ADAMTS20: variants seen among roughly 807,000 people sequenced by gnomAD.
The protein encoded by ADAMTS20 is ADAM metallopeptidase with thrombospondin type 1 motif 20.
A neutral mutation model predicts 260.1 loss-of-function variants in ADAMTS20; 225 were observed. That is an observed-to-expected ratio of 0.87 (90% CI 0.78 to 0.97). The LOEUF (loss-of-function observed/expected upper bound fraction) is 0.97, where lower values mean the gene tolerates loss of function less well. ADAMTS20 is among the 50% of genes least tolerant of loss of function. The pLI, the probability that ADAMTS20 is intolerant of heterozygous loss-of-function variation, is 0.00. For missense variants in ADAMTS20, 2,400 were observed against 2,337.7 expected (o/e 1.03, Z -0.55); for synonymous variants, 802 against 769.5 (o/e 1.04, Z -0.70).
At chr12:43,414,486 A>T (rs1481925522) in intron 28 of ADAMTS20, among the ~76,000 whole-genome samples, 1 of 152,162 alleles carries the variant, frequency 6.6e-6, no homozygotes, top group Non-Finnish European at 1.5e-5. Flanking sequence ...AGAACAAAAA[A>T]ATAGCTCCCA....
intron 2 of ADAMTS20, among the ~76,000 whole-genome samples, chr12:43,543,408 C>T (rs1943402855): frequency 1.3e-5 from 2 of 152,184 alleles, no homozygotes; most frequent in African/African-American, 2.4e-5. Flanking sequence ...TGCTAAATAT[C>T]AGTGACTACT....
chr12:43,452,368 C>T lies in ADAMTS20; in HGVS notation c.1985G>A (p.Gly662Glu), dbSNP rs766523272. The change falls in exon 14 of 39, where the codon GGA (glycine) becomes GAA (glutamate). Residue 662 changes from glycine to glutamate, a missense_variant. Transcript: ENST00000389420. ...CTTCAATAGGTAGAAATAATTGGTT[C>T]CAGCAACCTGACAATAGAGTTTACA... is the stretch of plus-strand genomic sequence containing the variant. ...DRCKLYCQVA[G>E]TNYFYLLKDM... 1.4e-5 allele frequency: 22 copies of T among 1,613,118 alleles called. No homozygotes were observed. The Admixed American group carries it at 2.3e-4, about 17-fold the overall frequency.
Position 43,425,690 on chromosome 12 carries a change from A to G in ADAMTS20, c.4108T>C (p.Cys1370Arg), listed in dbSNP as rs780382261. Residue 1370 changes from cysteine to arginine, a missense_variant and splice_region_variant, in exon 28 of 39, where the codon TGT becomes CGT. Physicochemically the swap from Cys to Arg is radical, Grantham distance 180. Transcript: ENST00000389420. ...ATTCCTCCTCCACATGTTTGTGAAC[A>G]CTAAAAACAAGAATAGGAAAATTCA... The part of the protein sequence containing the change: ...PQWNYGNWGE[C>R]SQTCGGGIKS... 1.9e-6 allele frequency: 3 copies of G among 1,575,250 alleles called. No individual in the cohort carries two copies. In the South Asian group the frequency reaches 3.5e-5, roughly 18 times the overall value.
intron 28 of ADAMTS20, 126 bp downstream of exon 28, chr12:43,425,388 G>T: frequency 1.2e-6 from 1 of 817,552 alleles, no homozygotes; most frequent in Non-Finnish European, 1.7e-6. Flanking sequence ...CAGCAAACCT[G>T]CACATCTTGC....
chr12:43,477,673 A>G (rs1942380240), intron 7 of ADAMTS20, among the ~76,000 whole-genome samples: 1 of 152,112 alleles, frequency 6.6e-6, no homozygotes, highest in Admixed American at 6.6e-5. Context: ...CTCTCTCTCA[A>G]TACACAAGCA....
At chr12:43,450,090 T>C (rs1049983251) in intron 14 of ADAMTS20, among the ~76,000 whole-genome samples, 2 of 152,166 alleles carry the variant, frequency 1.3e-5, no homozygotes, top group Non-Finnish European at 2.9e-5. Flanking sequence ...ACCTTAGAAC[T>C]CTGCAAATAG....
intron 37 of ADAMTS20, among the ~76,000 whole-genome samples, chr12:43,362,501 G>A (rs935147312): frequency 1.3e-5 from 2 of 152,152 alleles, no homozygotes; most frequent in Non-Finnish European, 2.9e-5. Flanking sequence ...CCTCTGCAAA[G>A]TTGCCTGCCT....
chr12:43,508,755 G>A (rs948256142), intron 3 of ADAMTS20, among the ~76,000 whole-genome samples: 1 of 152,054 alleles, frequency 6.6e-6, no homozygotes, highest in Admixed American at 6.6e-5. Context: ...TCCTTGTGTT[G>A]CAAATAATCC....
chr12:43,399,568 C>T (rs1185929091), intron 28 of ADAMTS20, among the ~76,000 whole-genome samples: 1 of 152,116 alleles, frequency 6.6e-6, no homozygotes, highest in Non-Finnish European at 1.5e-5. Flanking sequence ...TTTTATCATC[C>T]AATAAAACTT....
At chr12:43,432,155 T>A (rs2137308906) in intron 21 of ADAMTS20, 149 bp downstream of exon 21, 1 of 902,756 alleles carries the variant, frequency 1.1e-6, no homozygotes, top group Non-Finnish European at 1.6e-6. Context: ...GTGCCTGGCC[T>A]GTCTTATAAA....
chr12:43,521,953 T>C (rs906693987), intron 3 of ADAMTS20, among the ~76,000 whole-genome samples: 1 of 152,166 alleles, frequency 6.6e-6, no homozygotes, highest in Non-Finnish European at 1.5e-5. Flanking sequence ...CATTAGGTAC[T>C]CAAAGACTAT....
At chr12:43,356,701 G>T (rs935002022) in intron 37 of ADAMTS20, 113 bp from the exon 38 acceptor site, 9 of 685,868 alleles carry the variant, frequency 1.3e-5, no homozygotes, top group Non-Finnish European at 1.9e-5. Context: ...AATGTTATTT[G>T]TGGAGAAGTA....
chr12:43,416,709 A>G (rs1043199166), intron 28 of ADAMTS20, among the ~76,000 whole-genome samples: 2 of 151,642 alleles, frequency 1.3e-5, no homozygotes, highest in African/African-American at 4.8e-5. Flanking sequence ...TTTTTAGTAG[A>G]GACGGGGTTT....
intron 3 of ADAMTS20, among the ~76,000 whole-genome samples, chr12:43,525,246 C>T (rs1943125939): frequency 6.6e-6 from 1 of 152,122 alleles, no homozygotes; most frequent in Non-Finnish European, 1.5e-5. Context: ...TTAGACAGGA[C>T]AACTGTCAGT....
intron 26 of ADAMTS20, 108 bp from the exon 27 acceptor site, chr12:43,427,577 A>C: frequency 9.7e-7 from 1 of 1,028,662 alleles, no homozygotes; most frequent in Non-Finnish European, 1.3e-6. Context: ...CAAACCCTAC[A>C]TTAGAATCTC....
intron 28 of ADAMTS20, among the ~76,000 whole-genome samples, chr12:43,400,757 G>A (rs1211995171): frequency 1.3e-5 from 2 of 151,690 alleles, no homozygotes; most frequent in Non-Finnish European, 2.9e-5. Flanking sequence ...TATATACCAT[G>A]GAGTGTGCTG....
At chr12:43,419,249 T>G (rs921683657) in intron 28 of ADAMTS20, among the ~76,000 whole-genome samples, 1 of 152,102 alleles carries the variant, frequency 6.6e-6, no homozygotes, top group African/African-American at 2.4e-5. Flanking sequence ...ATGGGCACAT[T>G]CTCAAAATGT....
chr12:43,409,115 T>C (rs1012313221), intron 28 of ADAMTS20, among the ~76,000 whole-genome samples: 1 of 152,076 alleles, frequency 6.6e-6, no homozygotes, highest in Non-Finnish European at 1.5e-5. Flanking sequence ...ACTGTAGTTA[T>C]GAGAGAAATG....
chr12:43,501,477 G>GCACA (rs1299065787), intron 4 of ADAMTS20, among the ~76,000 whole-genome samples: 36 of 62,188 alleles, frequency 5.8e-4, no homozygotes, highest in African/African-American at 1.6e-3. Flanking sequence ...GCGCGCGCGC[G>GCACA]CGCGCACACA....
Sources: allele counts gnomAD v4.1 joint callset (sites outside exome capture counted in the v4.1 genomes callset), GRCh38; gene constraint gnomAD v4.1.1; transcripts MANE v1.5; gene names NCBI Gene and HGNC (gene_info 2026-07-23, HGNC 2026-07-21).